Variants in SLC5A4 observed in about 807,000 individuals in gnomAD.
The protein encoded by SLC5A4 is solute carrier family 5 member 4, also known as probable glucose sensor protein SLC5A4.
SLC5A4 carries 55 observed loss-of-function variants against 70.3 expected under a neutral mutation model. That is an observed-to-expected ratio of 0.78 (90% CI 0.63 to 0.98). The LOEUF is 0.98. SLC5A4 is among the 50% of genes least tolerant of loss of function. SLC5A4 has a pLI of 0.00. For missense variants in SLC5A4, 735 were observed against 839.2 expected (o/e 0.88, Z 1.53); for synonymous variants, 268 against 305.7 (o/e 0.88, Z 1.29).
At chr22:32,332,820 A>C in the SLC5A4 span, among the ~76,000 whole-genome samples, 1 of 152,246 alleles carries the variant, frequency 6.6e-6, no homozygotes, top group East Asian at 1.9e-4. Flanking sequence ...TAACGGGAGG[A>C]TGCATTAGAC....
At chr22:32,252,484 G>A (rs796168321) in intron 2 of SLC5A4, among the ~76,000 whole-genome samples, 1 of 152,162 alleles carries the variant, frequency 6.6e-6, no homozygotes, top group Non-Finnish European at 1.5e-5. Flanking sequence ...TCATTGTCTG[G>A]AACACAGCCG....
chr22:32,260,113 G>A (rs1026824504), upstream of SLC5A4, among the ~76,000 whole-genome samples: 21 of 152,352 alleles, frequency 1.4e-4, 1 homozygote, highest in African/African-American at 4.6e-4. Context: ...AAGGGGATGA[G>A]GGTGGGAGAG....
the SLC5A4 span, among the ~76,000 whole-genome samples, chr22:32,273,772 G>T: frequency 2.0e-5 from 3 of 151,618 alleles, no homozygotes; most frequent in Non-Finnish European, 4.4e-5. Context: ...TCCTAAACAA[G>T]AGAAAGCAAA....
chr22:32,284,011 G>A, the SLC5A4 span, among the ~76,000 whole-genome samples: 1 of 150,306 alleles, frequency 6.7e-6, no homozygotes, highest in Non-Finnish European at 1.5e-5. Context: ...TAGAACCACA[G>A]AATCATTTTT....
the SLC5A4 span, among the ~76,000 whole-genome samples, chr22:32,324,772 T>A: frequency 6.6e-6 from 1 of 152,226 alleles, no homozygotes; most frequent in East Asian, 1.9e-4. Context: ...GGCACCCACC[T>A]AATACCACTG....
intron 5 of SLC5A4, among the ~76,000 whole-genome samples, chr22:32,246,536 A>T (rs1475276169): frequency 6.6e-6 from 1 of 151,806 alleles, no homozygotes; most frequent in Non-Finnish European, 1.5e-5. Context: ...TTGTTTATTT[A>T]TTTATTTTTG....
the SLC5A4 span, among the ~76,000 whole-genome samples, chr22:32,277,891 T>C: frequency 6.6e-6 from 1 of 152,302 alleles, no homozygotes; most frequent in South Asian, 2.1e-4. Flanking sequence ...AAGGTCTAAA[T>C]CTCAAAGAAA....
At chr22:32,315,756 C>T in the SLC5A4 span, among the ~76,000 whole-genome samples, 1 of 146,088 alleles carries the variant, frequency 6.8e-6, no homozygotes, top group African/African-American at 2.6e-5. Context: ...AATGCATCTG[C>T]CATATCTGTA....
At chr22:32,345,326 A>G in the SLC5A4 span, among the ~76,000 whole-genome samples, 1 of 152,212 alleles carries the variant, frequency 6.6e-6, no homozygotes, top group Non-Finnish European at 1.5e-5. Flanking sequence ...GCCTGTGAGA[A>G]AAACAAAGAT....
the SLC5A4 span, among the ~76,000 whole-genome samples, chr22:32,325,991 G>A: frequency 2.6e-5 from 4 of 152,342 alleles, no homozygotes; most frequent in Admixed American, 1.3e-4. Context: ...CCCACGGGGT[G>A]AGGAGGGTCT....
the SLC5A4 span, among the ~76,000 whole-genome samples, chr22:32,325,773 T>C: frequency 6.6e-6 from 1 of 152,264 alleles, no homozygotes; most frequent in Non-Finnish European, 1.5e-5. Context: ...TGCAACTTGC[T>C]GATGAGGCAA....
the SLC5A4 span, chr22:32,271,666 A>G: frequency 5.1e-6 from 3 of 593,390 alleles, no homozygotes; most frequent in Non-Finnish European, 9.4e-6. Flanking sequence ...TCCTGGCGAC[A>G]GACTGAGGGG....
chr22:32,298,917 TTA>T, the SLC5A4 span, among the ~76,000 whole-genome samples: 1 of 104,248 alleles, frequency 9.6e-6, no homozygotes, highest in African/African-American at 3.7e-5. Context: ...CTTATGAAGC[TTA>T]GTTTGGCTGG....
chr22:32,269,413 G>A, the SLC5A4 span: 1 of 477,766 alleles, frequency 2.1e-6, no homozygotes, highest in Non-Finnish European at 4.1e-6. The surrounding 1 kb of genome is among the most constrained non-coding windows in gnomAD (Gnocchi z 4.1). Flanking sequence ...CCCTGGATGA[G>A]AAGCTGCTCA....
chr22:32,334,627 C>T, the SLC5A4 span, among the ~76,000 whole-genome samples: 9 of 152,312 alleles, frequency 5.9e-5, no homozygotes, highest in East Asian at 5.8e-4. Flanking sequence ...CTTAAACGAA[C>T]GGAACCACTC....
chr22:32,264,648 A>G, the SLC5A4 span, among the ~76,000 whole-genome samples: 1 of 152,222 alleles, frequency 6.6e-6, no homozygotes, highest in Non-Finnish European at 1.5e-5. Flanking sequence ...AAAAAGAAAT[A>G]ACATTTAATC....
chr22:32,263,058 G>A, the SLC5A4 span, among the ~76,000 whole-genome samples: 1 of 132,960 alleles, frequency 7.5e-6, no homozygotes, highest in Non-Finnish European at 1.6e-5. Flanking sequence ...ATGAGCCACC[G>A]TGCCCGGCCC....
chr22:32,272,251 C>T, the SLC5A4 span: 2 of 791,064 alleles, frequency 2.5e-6, no homozygotes, highest in South Asian at 2.8e-5. Context: ...GTGCCCGAGC[C>T]CAGCCAGCCC....
intron 11 of SLC5A4, among the ~76,000 whole-genome samples, chr22:32,227,667 A>T (rs1925482012): frequency 6.6e-6 from 1 of 152,122 alleles, no homozygotes; most frequent in Admixed American, 6.5e-5. Flanking sequence ...GCAGGTGGGG[A>T]TGGCTCACAC....
Sources: allele counts gnomAD v4.1 joint callset (sites outside exome capture counted in the v4.1 genomes callset), GRCh38; gene constraint gnomAD v4.1.1; non-coding constraint Gnocchi (gnomAD v3.1); transcripts MANE v1.5; gene names NCBI Gene and HGNC (gene_info 2026-07-23, HGNC 2026-07-21).